Variants in LIN52 observed in about 807,000 individuals in gnomAD.
LIN52 encodes protein lin-52 homolog.
Under a neutral mutation model 18.5 loss-of-function variants are expected in LIN52, and 4 were observed. The observed-to-expected ratio is 0.22, with a 90% CI of 0.11 to 0.49. The LOEUF (loss-of-function observed/expected upper bound fraction) is 0.49. Among genes scored for constraint, LIN52 ranks in the 20% least tolerant of loss-of-function variants. The pLI, the probability that LIN52 is intolerant of heterozygous loss-of-function variation, is 0.97. For missense variants in LIN52, 102 were observed against 139.5 expected (o/e 0.73, Z 1.35); for synonymous variants, 34 against 45.5 (o/e 0.75, Z 1.02).
At chr14:74,113,178 G>A (rs572244389) in intron 5 of LIN52, among the ~76,000 whole-genome samples, 50 of 152,296 alleles carry the variant, frequency 3.3e-4, no homozygotes, top group African/African-American at 1.1e-3. Context: ...GATCACCTGA[G>A]GCCAGGAGTT....
chr14:74,192,433 A>C (rs1400470662), intron 5 of LIN52, among the ~76,000 whole-genome samples: 1 of 151,932 alleles, frequency 6.6e-6, no homozygotes, highest in African/African-American at 2.4e-5. Flanking sequence ...CTACAGGCAC[A>C]TGCCCCCACG....
intron 5 of LIN52, among the ~76,000 whole-genome samples, chr14:74,126,064 G>A (rs1229787968): frequency 6.6e-6 from 1 of 150,436 alleles, no homozygotes; most frequent in African/African-American, 2.4e-5. Context: ...ATGAGCAAAG[G>A]ACTTGACTAG....
At chr14:74,169,046 T>G (rs62006777) in intron 5 of LIN52, among the ~76,000 whole-genome samples, 17,868 of 152,234 alleles carry the variant, frequency 0.12, 1,158 homozygotes, top group South Asian at 0.18. Flanking sequence ...AGAGTGTGAC[T>G]CTTGTCTCAA....
At chr14:74,162,430 C>T (rs895367197) in intron 5 of LIN52, among the ~76,000 whole-genome samples, 3 of 146,502 alleles carry the variant, frequency 2.0e-5, no homozygotes, top group Non-Finnish European at 3.0e-5. Flanking sequence ...GAGAGGAAAT[C>T]GCCACTGTAC....
intron 5 of LIN52, among the ~76,000 whole-genome samples, chr14:74,113,374 A>G (rs2060941914): frequency 6.6e-6 from 1 of 152,194 alleles, no homozygotes; most frequent in African/African-American, 2.4e-5. Context: ...CCTGGGCAAC[A>G]GAGCAAGACT....
At chr14:74,106,241 C>A (rs1297893040) in intron 5 of LIN52, among the ~76,000 whole-genome samples, 1 of 152,090 alleles carries the variant, frequency 6.6e-6, no homozygotes, top group African/African-American at 2.4e-5. Flanking sequence ...TCAACTAGCC[C>A]ATTCCAATCT....
At chr14:74,165,652 G>A (rs2061246383) in intron 5 of LIN52, among the ~76,000 whole-genome samples, 1 of 151,500 alleles carries the variant, frequency 6.6e-6, no homozygotes, top group South Asian at 2.1e-4. Flanking sequence ...GGGATTACAG[G>A]CACATGCCAC....
At chr14:74,085,565 G>A (rs1439190293) in intron 1 of LIN52, 2 of 152,258 alleles carry the variant, frequency 1.3e-5, no homozygotes, top group African/African-American at 4.8e-5. Flanking sequence ...GTCGCGAGGA[G>A]AATCAGTATT....
chr14:74,178,713 A>T (rs1442642245), intron 5 of LIN52, among the ~76,000 whole-genome samples: 5 of 150,652 alleles, frequency 3.3e-5, no homozygotes, highest in African/African-American at 1.2e-4. Context: ...ACCCACCTCA[A>T]CCTCCCAAAG....
Position 74,105,801 on chromosome 14 carries a change from T to C in LIN52, c.283+4563T>C, listed in dbSNP as rs578086991. ...ATAAAGATGATGGAAAGAAAAAAAA[T>C]GCAAAAAATATTTGTCCTCAAAACA... On this transcript the variant is annotated intron_variant, in intron 5 of 5. Transcript: ENST00000555028. Among the ~76,000 whole-genome samples, 4 of 152,154 alleles carry C rather than the reference T, an allele frequency of 2.6e-5. No individual in the cohort carries two copies. In the South Asian group the frequency reaches 8.3e-4, roughly 32 times the overall value.
chr14:74,150,612 C>T (rs2061172782), intron 5 of LIN52, among the ~76,000 whole-genome samples: 1 of 151,982 alleles, frequency 6.6e-6, no homozygotes. Context: ...GGTTGTTACA[C>T]AGTATATTTA....
intron 5 of LIN52, among the ~76,000 whole-genome samples, chr14:74,119,552 C>G (rs1490195399): frequency 6.6e-6 from 1 of 152,100 alleles, no homozygotes; most frequent in Non-Finnish European, 1.5e-5. Flanking sequence ...GTAGGTACTT[C>G]CAAATATTAA....
chr14:74,105,195 A>G (rs2060889246), intron 5 of LIN52, among the ~76,000 whole-genome samples: 1 of 152,190 alleles, frequency 6.6e-6, no homozygotes, highest in Non-Finnish European at 1.5e-5. Flanking sequence ...TTTTAAATCC[A>G]CACAATTAAA....
intron 3 of LIN52, among the ~76,000 whole-genome samples, chr14:74,096,254 T>C (rs1793022630): frequency 6.6e-6 from 1 of 152,002 alleles, no homozygotes; most frequent in Non-Finnish European, 1.5e-5. Context: ...AGAGACGGGG[T>C]TCACCATCTT....
intron 5 of LIN52, among the ~76,000 whole-genome samples, chr14:74,106,839 G>A (rs561681048): frequency 1.2e-4 from 19 of 152,026 alleles, no homozygotes; most frequent in South Asian, 4.2e-4. Context: ...TGATTTGCCC[G>A]CCTGGCCTCC....
chr14:74,149,346 C>T (rs1348691541), intron 5 of LIN52, among the ~76,000 whole-genome samples: 1 of 152,136 alleles, frequency 6.6e-6, no homozygotes, highest in Admixed American at 6.5e-5. Context: ...TATAACTCTA[C>T]AAAACGATTA....
intron 2 of LIN52, among the ~76,000 whole-genome samples, chr14:74,092,078 G>A (rs1160914584): frequency 6.6e-6 from 1 of 151,348 alleles, no homozygotes; most frequent in Non-Finnish European, 1.5e-5. Flanking sequence ...TCAAGCGATT[G>A]TCCTGCCTCA....
At chr14:74,148,421 G>A (rs1357396197) in intron 5 of LIN52, among the ~76,000 whole-genome samples, 1 of 152,074 alleles carries the variant, frequency 6.6e-6, no homozygotes, top group African/African-American at 2.4e-5. Context: ...GAGAGACAAG[G>A]CAAATGTATA....
chr14:74,173,933 T>A (rs1173336184), intron 5 of LIN52, among the ~76,000 whole-genome samples: 1 of 152,232 alleles, frequency 6.6e-6, no homozygotes, highest in African/African-American at 2.4e-5. Context: ...GCAAGCTTCC[T>A]TTGTGCTTCA....
Sources: allele counts gnomAD v4.1 joint callset (sites outside exome capture counted in the v4.1 genomes callset), GRCh38; gene constraint gnomAD v4.1.1; transcripts MANE v1.5; gene names NCBI Gene and HGNC (gene_info 2026-07-23, HGNC 2026-07-21).